SEMA6D: variants seen among roughly 807,000 people sequenced by gnomAD.
SEMA6D encodes the protein semaphorin-6D.
SEMA6D carries 35 observed loss-of-function variants against 106.6 expected under a neutral mutation model. The observed-to-expected ratio is 0.33, with a 90% CI of 0.25 to 0.44. SEMA6D has a LOEUF of 0.44. SEMA6D is among the 20% of genes least tolerant of loss of function. The pLI is 1.00. For missense variants in SEMA6D, 1,185 were observed against 1,345.9 expected (o/e 0.88, Z 1.87); for synonymous variants, 499 against 487.7 (o/e 1.02, Z -0.31).
At chr15:47,324,142 A>G (rs1354893124) in intron 1 of SEMA6D, among the ~76,000 whole-genome samples, 1 of 152,158 alleles carries the variant, frequency 6.6e-6, no homozygotes, top group Non-Finnish European at 1.5e-5. Flanking sequence ...AGACTAGAGG[A>G]CCAAAAGAAA....
intron 1 of SEMA6D, among the ~76,000 whole-genome samples, chr15:47,240,596 G>A (rs2032845358): frequency 6.6e-6 from 1 of 152,070 alleles, no homozygotes. Context: ...TGGAATTTTT[G>A]CATCTTGATA....
intron 3 of SEMA6D, among the ~76,000 whole-genome samples, chr15:47,493,838 C>G (rs1730284134): frequency 6.6e-6 from 1 of 152,114 alleles, no homozygotes; most frequent in Non-Finnish European, 1.5e-5. Flanking sequence ...TTCTGCCTAT[C>G]CTAGGCTTTC....
intron 1 of SEMA6D, among the ~76,000 whole-genome samples, chr15:47,221,346 C>T (rs1385480161): frequency 3.9e-5 from 6 of 152,222 alleles, no homozygotes; most frequent in African/African-American, 1.4e-4. Context: ...TCTTCGCCCA[C>T]TTCAGCATCA....
intron 3 of SEMA6D, among the ~76,000 whole-genome samples, chr15:47,496,561 C>T (rs2043666012): frequency 6.6e-6 from 1 of 152,082 alleles, no homozygotes; most frequent in African/African-American, 2.4e-5. Context: ...ATGACTCAGT[C>T]ACCTTTGATC....
At chr15:47,274,737 C>G (rs2034718775) in intron 1 of SEMA6D, 1 of 152,534 alleles carries the variant, frequency 6.6e-6, no homozygotes, top group Non-Finnish European at 1.5e-5. Flanking sequence ...GCCTCTCCAG[C>G]TTTGTGTAAC....
chr15:47,323,214 T>C (rs1192929110), intron 1 of SEMA6D, among the ~76,000 whole-genome samples: 2 of 152,114 alleles, frequency 1.3e-5, no homozygotes, highest in East Asian at 3.9e-4. Flanking sequence ...GGAAGGAGTG[T>C]TACAGCCCTT....
At chr15:47,502,540 T>C (rs2043888031) in intron 3 of SEMA6D, among the ~76,000 whole-genome samples, 1 of 152,190 alleles carries the variant, frequency 6.6e-6, no homozygotes, top group African/African-American at 2.4e-5. Flanking sequence ...GGAAAAAACA[T>C]TGATATGGCT....
At chr15:47,286,474 A>C (rs1028857291) in intron 1 of SEMA6D, among the ~76,000 whole-genome samples, 1 of 152,184 alleles carries the variant, frequency 6.6e-6, no homozygotes, top group Non-Finnish European at 1.5e-5. Flanking sequence ...TATTATTGTG[A>C]AAAGTAGCTA....
rs148869859 is a variant in SEMA6D at position 47,493,023 on chromosome 15, A to G, written c.-87+22478A>G. On this transcript the variant is annotated intron_variant, in intron 3 of 19. Coordinates refer to the SEMA6D transcript ENST00000558014. ...AGCTTACTCCTGCATCCAACCCACCATGCTAAGCTGGAATGAAAGACACAG... is the reference window on the plus strand; with the variant it reads ...AGCTTACTCCTGCATCCAACCCACCGTGCTAAGCTGGAATGAAAGACACAG... Among the ~76,000 whole-genome samples the G allele has an allele frequency of 6.2e-3, 950 of 152,286 alleles. 9 individuals are homozygous for G. Among genetic ancestry groups the G allele is most frequent in the African/African-American group, 0.022 (912 of 41,578 alleles).
intron 1 of SEMA6D, chr15:47,730,100 A>G: frequency 1.2e-6 from 1 of 808,380 alleles, no homozygotes; most frequent in Non-Finnish European, 2.0e-6. Context: ...AATTTATATT[A>G]TTTTAATTAT....
At chr15:47,260,980 C>T (rs906131431) in intron 1 of SEMA6D, among the ~76,000 whole-genome samples, 4 of 152,078 alleles carry the variant, frequency 2.6e-5, no homozygotes, top group Admixed American at 1.3e-4. Context: ...ATTGCTTTGC[C>T]GTTCCTTTAT....
At chr15:47,572,131 C>T (rs1316805627) in intron 3 of SEMA6D, among the ~76,000 whole-genome samples, 1 of 152,132 alleles carries the variant, frequency 6.6e-6, no homozygotes, top group African/African-American at 2.4e-5. Flanking sequence ...AAAGTAAAAG[C>T]CATTGGGTCA....
At chr15:47,466,884 G>A (rs894938350) in intron 2 of SEMA6D, among the ~76,000 whole-genome samples, 5 of 148,730 alleles carry the variant, frequency 3.4e-5, no homozygotes, top group Non-Finnish European at 7.4e-5. Flanking sequence ...GTAGCACCAC[G>A]CCTGGCTTTT....
chr15:47,524,728 A>G (rs1026935782), intron 3 of SEMA6D, among the ~76,000 whole-genome samples: 1 of 152,180 alleles, frequency 6.6e-6, no homozygotes, highest in African/African-American at 2.4e-5. Context: ...CCTTGGGGCA[A>G]ATAAGGAAAT....
chr15:47,771,184 A>G lies in SEMA6D; in HGVS notation c.2621A>G (p.Asp874Gly). ...SSKRDHRRSVDSRNTLNDLLK... is the reference protein window; with the variant it reads ...SSKRDHRRSVGSRNTLNDLLK... ...AAGAGAGATCACCGGCGTTCTGTTGATTCCAGAAATACCCTCAATGATCTC... is the reference window on the plus strand; with the variant it reads ...AAGAGAGATCACCGGCGTTCTGTTGGTTCCAGAAATACCCTCAATGATCTC... The change falls in exon 19 of 19, where the codon GAT (aspartate) becomes GGT (glycine). Residue 874 changes from aspartate (D) to glycine (G), a missense_variant. Asp to Gly is a moderately conservative substitution (Grantham distance 94). Coordinates refer to ENST00000536845, the MANE Select transcript of SEMA6D (RefSeq NM_001358351.3). 4.3e-6 allele frequency: 7 copies of G among 1,614,098 alleles called. No homozygotes were observed. Among genetic ancestry groups the G allele is most frequent in the Non-Finnish European group, 5.9e-6 (7 of 1,179,972 alleles).
intron 1 of SEMA6D, among the ~76,000 whole-genome samples, chr15:47,307,879 A>C (rs1361056792): frequency 6.6e-6 from 1 of 152,192 alleles, no homozygotes; most frequent in Non-Finnish European, 1.5e-5. Context: ...ATTTACGAGA[A>C]TTACATAAAA....
At position 47,197,056 on chromosome 15, in the gene SEMA6D, A is replaced by G. The variant is rs35198852; in HGVS notation, c.-239+12638A>G. 2.4e-3 allele frequency among the ~76,000 whole-genome samples: 361 copies of G among 152,318 alleles called. 1 individual carries two copies. The highest frequency in any genetic ancestry group is 4.3e-3 in the Non-Finnish European group (290 of 68,018). On this transcript the variant is annotated intron_variant, in intron 1 of 19. Coordinates refer to the SEMA6D transcript ENST00000558014. ...AACCTTTGCTCATCTATGTGGCCAA[A>G]TGGGGAATCTAACCCTCCCCCTTTC...
chr15:47,515,341 A>AT (rs559530130), intron 3 of SEMA6D, among the ~76,000 whole-genome samples: 483 of 152,218 alleles, frequency 3.2e-3, no homozygotes, highest in African/African-American at 0.011. Context: ...CTACTGATGT[A>AT]TTATATATTT....
At chr15:47,277,157 G>C (rs2034855785) in intron 1 of SEMA6D, among the ~76,000 whole-genome samples, 1 of 152,130 alleles carries the variant, frequency 6.6e-6, no homozygotes, top group Admixed American at 6.6e-5. Flanking sequence ...CAAAGAAAGT[G>C]ATTTCTTGAG....
Sources: gnomAD v4.1 joint callset for allele counts (sites outside exome capture counted in the v4.1 genomes callset) on GRCh38, gnomAD v4.1.1 for gene constraint, MANE v1.5 for transcripts, NCBI Gene and HGNC (gene_info 2026-07-23, HGNC 2026-07-21) for gene names.